ARHGEF26: variants seen among roughly 807,000 people sequenced by gnomAD.
ARHGEF26 encodes Rho guanine nucleotide exchange factor 26.
Under a neutral mutation model 89.4 loss-of-function variants are expected in ARHGEF26, and 59 were observed. The ratio of observed to expected loss-of-function variants is 0.66; its 90% CI spans 0.54 to 0.82. The LOEUF is 0.82. Among genes scored for constraint, ARHGEF26 ranks in the 40% least tolerant of loss-of-function variants. ARHGEF26 has a pLI of 0.00. For missense variants in ARHGEF26, 1,234 were observed against 1,085.6 expected (o/e 1.14, Z -1.92); for synonymous variants, 500 against 428.4 (o/e 1.17, Z -2.06).
At chr3:154,202,369 T>A (rs1714700523) in intron 9 of ARHGEF26, among the ~76,000 whole-genome samples, 1 of 152,214 alleles carries the variant, frequency 6.6e-6, no homozygotes, top group South Asian at 2.1e-4. Context: ...TCTATATCTC[T>A]GTTTTGGTAC....
At chr3:154,218,609 A>T (rs1715927044) in intron 10 of ARHGEF26, among the ~76,000 whole-genome samples, 1 of 152,208 alleles carries the variant, frequency 6.6e-6, no homozygotes, top group Admixed American at 6.5e-5. Context: ...TTGTTTTATA[A>T]CTTGTAAATG....
chr3:154,191,542 G>T, intron 8 of ARHGEF26, 124 bp downstream of exon 8: 1 of 1,169,032 alleles, frequency 8.6e-7, no homozygotes. Context: ...CCCCAATTAA[G>T]TGAGAAGGTG....
intron 9 of ARHGEF26, among the ~76,000 whole-genome samples, chr3:154,201,929 G>A (rs1227662670): frequency 2.0e-5 from 3 of 150,722 alleles, no homozygotes; most frequent in South Asian, 4.2e-4. Context: ...AGTAGGTTGC[G>A]AAAATTTTCT....
rs1371624948 is a variant in ARHGEF26, at chr3:154,149,381, T to C, written c.1270-8T>C. On this transcript the variant is annotated splice_region_variant and splice_polypyrimidine_tract_variant and intron_variant, in intron 4 of 14. Transcript: ENST00000465093. ...AATGAGTCAACTCTACTTTGCTTTT[T>C]CTCCTAGGTGAAAAGAAAGGGATTA... 3.8e-6 allele frequency: 6 copies of C among 1,599,888 alleles called. No homozygotes were observed. The East Asian group carries it at 1.3e-4, about 36-fold the overall frequency.
intron 3 of ARHGEF26, among the ~76,000 whole-genome samples, chr3:154,129,024 C>T (rs184791912): frequency 6.6e-6 from 1 of 152,126 alleles, no homozygotes; most frequent in East Asian, 1.9e-4. Context: ...TTGCCGGTTC[C>T]TAGTAGGTGT....
intron 4 of ARHGEF26, among the ~76,000 whole-genome samples, chr3:154,148,792 A>C (rs933116129): frequency 1.3e-5 from 2 of 152,218 alleles, no homozygotes; most frequent in East Asian, 3.8e-4. Flanking sequence ...AAATGTGTAA[A>C]GAATCCTTTT....
At chr3:154,154,123 A>T (rs1474878298) in intron 6 of ARHGEF26, among the ~76,000 whole-genome samples, 1 of 152,154 alleles carries the variant, frequency 6.6e-6, no homozygotes, top group Non-Finnish European at 1.5e-5. Flanking sequence ...CTATTCATAT[A>T]TTCAGTGGTA....
intron 6 of ARHGEF26, among the ~76,000 whole-genome samples, chr3:154,171,527 C>T (rs1022849027): frequency 1.3e-5 from 2 of 152,144 alleles, no homozygotes; most frequent in Admixed American, 6.5e-5. Flanking sequence ...CTGTTCATCC[C>T]TCCCTCTCCT....
chr3:154,144,511 C>T (rs759716857), intron 4 of ARHGEF26, among the ~76,000 whole-genome samples: 2 of 152,150 alleles, frequency 1.3e-5, no homozygotes, highest in South Asian at 4.1e-4. Context: ...GTGCTGGCTG[C>T]AAATGAAGTA....
chr3:154,210,581 C>T (rs542192654), intron 9 of ARHGEF26, among the ~76,000 whole-genome samples: 2 of 151,548 alleles, frequency 1.3e-5, no homozygotes, highest in South Asian at 2.1e-4. Flanking sequence ...TCCCAAAATG[C>T]TGGGATGACA....
chr3:154,135,868 C>T (rs1362420075), intron 4 of ARHGEF26, among the ~76,000 whole-genome samples: 1 of 152,166 alleles, frequency 6.6e-6, no homozygotes, highest in East Asian at 1.9e-4. Context: ...GTACCCCCTC[C>T]ACCTCTCCAA....
intron 14 of ARHGEF26, among the ~76,000 whole-genome samples, 161 bp downstream of exon 14, chr3:154,254,985 A>G (rs892995078): frequency 1.3e-5 from 2 of 152,128 alleles, no homozygotes; most frequent in African/African-American, 4.8e-5. Context: ...AGGCTAAACC[A>G]TGACGTTTTC....
At chr3:154,214,323 G>A (rs927375067) in intron 9 of ARHGEF26, among the ~76,000 whole-genome samples, 24 of 152,316 alleles carry the variant, frequency 1.6e-4, no homozygotes, top group African/African-American at 5.8e-4. Flanking sequence ...GGGCAGAAGT[G>A]AGGAAAAGAA....
Position 154,225,954 on chromosome 3 carries a change from A to C in ARHGEF26, c.2034A>C (p.Lys678Asn), listed in dbSNP as rs1254443871. Residue 678 changes from lysine to asparagine, a missense_variant, in exon 11 of 15, where the codon AAA (lysine) becomes AAC (asparagine). Transcript: ENST00000465093. ...TGCTTTTCTCAAGAAGGACATCCAA[A>C]CAGCAAGTCTACTTCTTTCTCTTTA... ...DTVLFSRRTS[K>N]QQVYFFLFND... is the part of the protein sequence containing the mutation. The C allele has an allele frequency of 1.9e-6, 3 of 1,613,306 alleles. No individual in the cohort carries two copies. Among genetic ancestry groups the C allele is most frequent in the Non-Finnish European group, 2.5e-6 (3 of 1,179,572 alleles).
At chr3:154,129,742 A>C (rs1332036146) in intron 4 of ARHGEF26, 23 bp downstream of exon 4, 2 of 1,590,070 alleles carry the variant, frequency 1.3e-6, no homozygotes, top group Non-Finnish European at 1.7e-6. Context: ...CTTCTTTTCT[A>C]TCTGTGGTAG....
chr3:154,235,119 A>G (rs181786108), intron 11 of ARHGEF26, among the ~76,000 whole-genome samples: 28 of 151,474 alleles, frequency 1.8e-4, no homozygotes, highest in Non-Finnish European at 4.0e-4. Context: ...TCCGTGTTTT[A>G]CAATCAACTC....
intron 11 of ARHGEF26, among the ~76,000 whole-genome samples, chr3:154,238,677 T>C (rs749042125): frequency 4.6e-5 from 7 of 152,230 alleles, no homozygotes; most frequent in Non-Finnish European, 1.0e-4. Context: ...ATTCCTAGCG[T>C]ATATTAGAAT....
At chr3:154,242,897 T>G (rs965502261) in intron 12 of ARHGEF26, among the ~76,000 whole-genome samples, 2 of 152,162 alleles carry the variant, frequency 1.3e-5, no homozygotes, top group Non-Finnish European at 2.9e-5. Context: ...CCCAGAGTTC[T>G]TCCCCTAAAG....
At chr3:154,249,407 C>T (rs1178488572) in intron 12 of ARHGEF26, among the ~76,000 whole-genome samples, 2 of 152,186 alleles carry the variant, frequency 1.3e-5, no homozygotes, top group African/African-American at 4.8e-5. Context: ...TGATAGGAAA[C>T]TGTAGAAACA....
Sources: gnomAD v4.1 joint callset for allele counts (sites outside exome capture counted in the v4.1 genomes callset) on GRCh38, gnomAD v4.1.1 for gene constraint, MANE v1.5 for transcripts, NCBI Gene and HGNC (gene_info 2026-07-23, HGNC 2026-07-21) for gene names.